The following ROBO1 variants were observed in gnomAD, a reference collection of about 807,000 sequenced individuals.
ROBO1 encodes roundabout homolog 1.
A neutral mutation model predicts 195.9 loss-of-function variants in ROBO1; 149 were observed. The ratio of observed to expected loss-of-function variants is 0.76; its 90% CI spans 0.67 to 0.87. The LOEUF is 0.87. Among genes scored for constraint, ROBO1 ranks in the 40% least tolerant of loss-of-function variants. The pLI is 0.00. For missense variants in ROBO1, 1,933 were observed against 2,068.3 expected (o/e 0.93, Z 1.27); for synonymous variants, 816 against 733.2 (o/e 1.11, Z -1.82).
intron 2 of ROBO1, among the ~76,000 whole-genome samples, chr3:79,371,676 A>G (rs1286809614): frequency 2.6e-5 from 4 of 152,208 alleles, no homozygotes; most frequent in Admixed American, 6.5e-5. Context: ...TGTGAGAACA[A>G]AATAATGTAT....
At chr3:78,797,767 T>C (rs933572118) in intron 4 of ROBO1, among the ~76,000 whole-genome samples, 6 of 152,152 alleles carry the variant, frequency 3.9e-5, no homozygotes, top group African/African-American at 1.4e-4. Flanking sequence ...ACCACTATTA[T>C]GACAAATTAT....
chr3:79,593,243 G>T (rs765343535), intron 1 of ROBO1, among the ~76,000 whole-genome samples: 3 of 152,066 alleles, frequency 2.0e-5, no homozygotes, highest in Non-Finnish European at 4.4e-5. Flanking sequence ...TTTATGTGGA[G>T]ATAAGTTTTA....
chr3:78,708,011 C>A (rs1469749099), intron 8 of ROBO1, among the ~76,000 whole-genome samples: 1 of 152,078 alleles, frequency 6.6e-6, no homozygotes, highest in Non-Finnish European at 1.5e-5. Context: ...TGATGGGACA[C>A]AGCGATGGGA....
chr3:79,267,321 C>A (rs1164870129), intron 2 of ROBO1, among the ~76,000 whole-genome samples: 2 of 151,504 alleles, frequency 1.3e-5, no homozygotes, highest in African/African-American at 2.4e-5. Flanking sequence ...CTGAACTAAT[C>A]TTGCCACTCC....
intron 2 of ROBO1, among the ~76,000 whole-genome samples, chr3:79,148,441 A>G (rs935181809): frequency 1.3e-5 from 2 of 151,886 alleles, no homozygotes; most frequent in African/African-American, 2.4e-5. Flanking sequence ...CAGATCTCTT[A>G]AAAAATTTTA....
At chr3:79,358,301 G>A (rs942742328) in intron 2 of ROBO1, among the ~76,000 whole-genome samples, 6 of 152,016 alleles carry the variant, frequency 3.9e-5, no homozygotes, top group African/African-American at 1.4e-4. Flanking sequence ...ATTGACACAG[G>A]GAAATGCAAT....
intron 2 of ROBO1, among the ~76,000 whole-genome samples, chr3:79,533,398 T>C (rs780386463): frequency 1.3e-5 from 2 of 152,128 alleles, no homozygotes; most frequent in African/African-American, 4.8e-5. Flanking sequence ...GAATATTTAG[T>C]TTTTTCTTTC....
At chr3:79,688,751 T>G (rs1947210972) in intron 1 of ROBO1, among the ~76,000 whole-genome samples, 1 of 152,044 alleles carries the variant, frequency 6.6e-6, no homozygotes, top group Admixed American at 6.6e-5. Context: ...ACAGAAGTTT[T>G]ATTAAAAAAA....
At chr3:78,973,900 CA>C (rs1370717098) in intron 3 of ROBO1, among the ~76,000 whole-genome samples, 1 of 151,844 alleles carries the variant, frequency 6.6e-6, no homozygotes, top group Admixed American at 6.6e-5. Flanking sequence ...GAATTATTTT[CA>C]AAACTCTTGA....
chr3:78,788,851 TGTA>T (rs1196684877), intron 4 of ROBO1, among the ~76,000 whole-genome samples: 2 of 152,162 alleles, frequency 1.3e-5, no homozygotes, highest in Non-Finnish European at 2.9e-5. Flanking sequence ...ATATCTCTAA[TGTA>T]GTGTAAATTC....
intron 10 of ROBO1, among the ~76,000 whole-genome samples, chr3:78,671,091 G>A (rs1708038357): frequency 6.6e-6 from 1 of 152,034 alleles, no homozygotes; most frequent in Admixed American, 6.6e-5. Flanking sequence ...ACATACTACG[G>A]AAAATAACAA....
chr3:79,485,850 A>C (rs1321364663), intron 2 of ROBO1, among the ~76,000 whole-genome samples: 1 of 152,106 alleles, frequency 6.6e-6, no homozygotes, highest in African/African-American at 2.4e-5. Context: ...TAAAGTACCA[A>C]TTTTACCTAT....
At chr3:78,711,655 T>A (rs1206391012) in intron 8 of ROBO1, among the ~76,000 whole-genome samples, 1 of 149,608 alleles carries the variant, frequency 6.7e-6, no homozygotes, top group Non-Finnish European at 1.5e-5. Flanking sequence ...CCAGCTAATT[T>A]TTTTTGTATT....
chr3:79,731,422 G>A (rs1576294368), intron 1 of ROBO1, among the ~76,000 whole-genome samples: 1 of 152,136 alleles, frequency 6.6e-6, no homozygotes. Context: ...CTTGGATGGG[G>A]CCTGGGTATT....
chr3:79,694,954 T>G (rs1312397729), intron 1 of ROBO1, among the ~76,000 whole-genome samples: 1 of 150,996 alleles, frequency 6.6e-6, no homozygotes, highest in Non-Finnish European at 1.5e-5. Flanking sequence ...CTTATGAAAA[T>G]AATTATAATA....
At chr3:78,763,724 A>G (rs1336769989) in intron 4 of ROBO1, among the ~76,000 whole-genome samples, 1 of 152,154 alleles carries the variant, frequency 6.6e-6, no homozygotes, top group Non-Finnish European at 1.5e-5. Flanking sequence ...TGGTTCTGCC[A>G]ATCTTGAAAC....
intron 4 of ROBO1, among the ~76,000 whole-genome samples, chr3:78,772,139 T>A (rs2108433590): frequency 6.6e-6 from 1 of 152,190 alleles, no homozygotes; most frequent in Non-Finnish European, 1.5e-5. Flanking sequence ...CTAATACGTA[T>A]TTGCTTAAAA....
chr3:79,400,320 C>A (rs1354231530), intron 2 of ROBO1, among the ~76,000 whole-genome samples: 1 of 151,994 alleles, frequency 6.6e-6, no homozygotes, highest in Non-Finnish European at 1.5e-5. Context: ...CACCAAGTTG[C>A]ACATTTAACA....
chr3:79,564,510 G>C (rs1256238733), intron 2 of ROBO1, among the ~76,000 whole-genome samples: 1 of 152,070 alleles, frequency 6.6e-6, no homozygotes, highest in African/African-American at 2.4e-5. Flanking sequence ...ATGGAGTATG[G>C]AAGGCTGAAG....
Sources: gnomAD v4.1 joint callset for allele counts (sites outside exome capture counted in the v4.1 genomes callset) on GRCh38, gnomAD v4.1.1 for gene constraint, MANE v1.5 for transcripts, NCBI Gene and HGNC (gene_info 2026-07-23, HGNC 2026-07-21) for gene names.